Variants in DCC observed in about 807,000 individuals in gnomAD.
DCC encodes DCC netrin 1 receptor, also known as netrin receptor DCC.
A neutral mutation model predicts 172.5 loss-of-function variants in DCC; 58 were observed. The observed-to-expected ratio is 0.34, with a 90% confidence interval of 0.27 to 0.42. DCC has a LOEUF of 0.42. Among genes scored for constraint, DCC ranks in the 10% least tolerant of loss-of-function variants. The probability of loss-of-function intolerance (pLI) is 1.00; values close to 1 mark genes in which losing one functional copy is unlikely to be tolerated. For synonymous variants in DCC, 709 were observed against 644.5 expected, an observed-to-expected ratio of 1.10 and a Z score of -1.52; for missense variants, 1,740 against 1,791.0, an observed-to-expected ratio of 0.97 and a Z score of 0.51.
At chr18:53,321,286 C>A (rs2057409035) in intron 13 of DCC, among the ~76,000 whole-genome samples, 2 of 152,078 alleles carry the variant, frequency 1.3e-5, no homozygotes. Flanking sequence ...TCAAAAATGT[C>A]CTATGGTCTT....
At chr18:52,687,527 C>T (rs763538931) in intron 1 of DCC, among the ~76,000 whole-genome samples, 7 of 152,126 alleles carry the variant, frequency 4.6e-5, no homozygotes, top group East Asian at 3.9e-4. Context: ...TCAGGTGATC[C>T]GCCCACCTTG....
chr18:53,185,304 G>C (rs1461986865), intron 9 of DCC, among the ~76,000 whole-genome samples: 1 of 152,100 alleles, frequency 6.6e-6, no homozygotes, highest in African/African-American at 2.4e-5. Flanking sequence ...GGCTTGAGAT[G>C]ATGGGTTGTT....
At chr18:52,833,602 G>A (rs1242351812) in intron 2 of DCC, among the ~76,000 whole-genome samples, 1 of 152,152 alleles carries the variant, frequency 6.6e-6, no homozygotes, top group Non-Finnish European at 1.5e-5. Context: ...ACAATGCTAA[G>A]GTTTCTGGTC....
chr18:53,240,522 A>G (rs2056277463), intron 12 of DCC, among the ~76,000 whole-genome samples: 1 of 152,222 alleles, frequency 6.6e-6, no homozygotes, highest in Non-Finnish European at 1.5e-5. Context: ...TAGACAATGT[A>G]TTAAAAAGTG....
intron 1 of DCC, among the ~76,000 whole-genome samples, chr18:52,616,203 A>C (rs1488219575): frequency 6.6e-6 from 1 of 152,104 alleles, no homozygotes; most frequent in East Asian, 1.9e-4. Flanking sequence ...CTAGGATAAC[A>C]CTTGGCATTT....
At chr18:52,828,450 A>T (rs1427722780) in intron 2 of DCC, among the ~76,000 whole-genome samples, 2 of 152,088 alleles carry the variant, frequency 1.3e-5, no homozygotes, top group African/African-American at 4.8e-5. Context: ...AAGCATTTAA[A>T]GAAATATGAG....
At chr18:53,182,516 G>A (rs893630244) in intron 9 of DCC, among the ~76,000 whole-genome samples, 2 of 152,172 alleles carry the variant, frequency 1.3e-5, no homozygotes, top group East Asian at 3.9e-4. Context: ...ACATGTGCAA[G>A]AGAGTTAGCC....
intron 1 of DCC, among the ~76,000 whole-genome samples, chr18:52,367,338 G>A (rs556345243): frequency 6.6e-6 from 1 of 152,192 alleles, no homozygotes; most frequent in African/African-American, 2.4e-5. Context: ...TGCCAGCCCA[G>A]AAAGGGGCTC....
intron 2 of DCC, among the ~76,000 whole-genome samples, chr18:52,808,362 C>G (rs1156733461): frequency 1.3e-5 from 2 of 150,182 alleles, no homozygotes; most frequent in Non-Finnish European, 2.9e-5. Flanking sequence ...TACCAGTAGA[C>G]AGCCTGTAAT....
chr18:52,859,128 C>T (rs912348810), intron 2 of DCC, among the ~76,000 whole-genome samples: 1 of 151,116 alleles, frequency 6.6e-6, no homozygotes, highest in Non-Finnish European at 1.5e-5. Flanking sequence ...TAGACCCTGT[C>T]TCTGCAAAAA....
intron 1 of DCC, among the ~76,000 whole-genome samples, chr18:52,500,331 T>G (rs547706031): frequency 1.3e-5 from 2 of 152,234 alleles, no homozygotes; most frequent in East Asian, 3.9e-4. Context: ...CAGAAACACT[T>G]TGAGCAGAGC....
rs146653936 is a variant in DCC at position 52,896,018 on chromosome 18, C to G, written c.413-10026C>G. Reference sequence around the variant, plus strand: ...CAGGCTGGTCTCAAACTCTTGACCTCAGGTGATTCGCCTGCTTAGGCCTCC... The same window carrying G: ...CAGGCTGGTCTCAAACTCTTGACCTGAGGTGATTCGCCTGCTTAGGCCTCC... On this transcript the variant is annotated intron_variant, in intron 2 of 28. Transcript: ENST00000442544. 2.0e-5 allele frequency among the ~76,000 whole-genome samples: 3 copies of G among 152,268 alleles called. No homozygotes were observed. The South Asian group carries it at 6.2e-4, about 32-fold the overall frequency.
intron 7 of DCC, among the ~76,000 whole-genome samples, chr18:53,128,870 C>CACATATATATATATATATAT (rs1300738812): frequency 2.6e-5 from 2 of 77,482 alleles, no homozygotes; most frequent in Non-Finnish European, 4.6e-5. Flanking sequence ...CACACACACA[C>CACATATATATATATATATAT]ATATATATAT....
intron 1 of DCC, among the ~76,000 whole-genome samples, chr18:52,377,168 T>C (rs1169696452): frequency 6.6e-6 from 1 of 152,190 alleles, no homozygotes. Flanking sequence ...CTCTAATTGA[T>C]CTAAATGTGA....
intron 1 of DCC, among the ~76,000 whole-genome samples, chr18:52,417,634 A>G (rs1357395788): frequency 6.6e-6 from 1 of 151,770 alleles, no homozygotes; most frequent in Non-Finnish European, 1.5e-5. Flanking sequence ...ATCTTCCATC[A>G]CTGATACCCT....
chr18:53,107,528 A>C (rs2043267549), intron 7 of DCC, among the ~76,000 whole-genome samples: 1 of 118,588 alleles, frequency 8.4e-6, no homozygotes, highest in Non-Finnish European at 1.7e-5. Flanking sequence ...ATCCAAAAAA[A>C]AAAAAAAGGA....
rs534096888 is a variant in DCC, at chr18:52,592,736, C to T, written c.92-159318C>T. ...GTAACGTCCGCCTCCTGGATTCAAG[C>T]TATTCTCGTGCCTCAGACTCCCGAA... On this transcript the variant is annotated intron_variant, in intron 1 of 28. Transcript: ENST00000442544. Among the ~76,000 whole-genome samples, 6 of 152,310 alleles carry T rather than the reference C, an allele frequency of 3.9e-5. No individual in the cohort carries two copies. The East Asian group carries it at 9.7e-4, about 25-fold the overall frequency.
At chr18:52,473,930 T>A in intron 1 of DCC, among the ~76,000 whole-genome samples, 1 of 152,100 alleles carries the variant, frequency 6.6e-6, no homozygotes, top group Non-Finnish European at 1.5e-5. Context: ...TCCACCTTCC[T>A]CTTCTGACAT....
At chr18:52,895,150 T>C (rs1051893031) in intron 2 of DCC, among the ~76,000 whole-genome samples, 1 of 152,238 alleles carries the variant, frequency 6.6e-6, no homozygotes, top group Non-Finnish European at 1.5e-5. Flanking sequence ...AAGAGTTTGC[T>C]TTTCTGCTTT....
Sources: gnomAD v4.1 joint callset for allele counts (sites outside exome capture counted in the v4.1 genomes callset) on GRCh38, gnomAD v4.1.1 for gene constraint, MANE v1.5 for transcripts, NCBI Gene and HGNC (gene_info 2026-07-23, HGNC 2026-07-21) for gene names.